Variants in COL25A1 observed in about 807,000 individuals in gnomAD.
COL25A1 encodes collagen alpha-1(XXV) chain.
In COL25A1, 103 loss-of-function variants were observed where a neutral mutation model predicts 128.4. The ratio of observed to expected loss-of-function variants is 0.80; its 90% CI spans 0.68 to 0.94. COL25A1 has a LOEUF of 0.94. Among genes scored for constraint, COL25A1 ranks in the 40% least tolerant of loss-of-function variants. The pLI, the probability that COL25A1 is intolerant of heterozygous loss-of-function variation, is 0.00. For synonymous variants in COL25A1, 279 were observed against 277.2 expected, an observed-to-expected ratio of 1.01 and a Z score of -0.06; for missense variants, 745 against 840.0, an observed-to-expected ratio of 0.89 and a Z score of 1.40.
rs1295143823 is a variant in COL25A1, at chr4:109,302,050, T to G, written c.-31A>C. 1 of 1,555,916 alleles carries G rather than the reference T, an allele frequency of 6.4e-7. No individual in the cohort carries two copies. The highest frequency in any genetic ancestry group is 2.3e-5 in the East Asian group (1 of 44,392). On this transcript the variant is annotated 5_prime_UTR_variant, in exon 2 of 38. Transcript: ENST00000399132. The stretch of plus-strand genomic sequence containing the variant: ...CGGGGTCGGCCGTCTCGGCTTCGCT[T>G]CCCACCCTCTACACCTCAAATAATC...
chr4:109,276,422 A>G (rs1364373772), intron 3 of COL25A1, among the ~76,000 whole-genome samples: 1 of 152,060 alleles, frequency 6.6e-6, no homozygotes, highest in Non-Finnish European at 1.5e-5. Flanking sequence ...AAAAAAAAAA[A>G]AAAAAAATTG....
At chr4:109,252,783 G>A (rs372342061) in intron 3 of COL25A1, among the ~76,000 whole-genome samples, 42 of 152,266 alleles carry the variant, frequency 2.8e-4, no homozygotes, top group African/African-American at 8.7e-4. Context: ...CCCACTAGGC[G>A]AGTTTCCCTT....
At chr4:109,185,677 T>C (rs1237604919) in intron 3 of COL25A1, among the ~76,000 whole-genome samples, 4 of 152,116 alleles carry the variant, frequency 2.6e-5, no homozygotes, top group African/African-American at 9.7e-5. Flanking sequence ...AAGGCAATAA[T>C]TATGGTTAAA....
chr4:109,283,237 C>T (rs574280030), intron 3 of COL25A1, among the ~76,000 whole-genome samples: 75 of 152,072 alleles, frequency 4.9e-4, no homozygotes, highest in African/African-American at 1.8e-3. Context: ...GAACAAAATG[C>T]GAAAGTTCAG....
At chr4:109,001,661 C>T (rs906599745) in intron 6 of COL25A1, among the ~76,000 whole-genome samples, 1 of 152,116 alleles carries the variant, frequency 6.6e-6, no homozygotes, top group African/African-American at 2.4e-5. Flanking sequence ...GACTCTAGGA[C>T]CATTCTTAGG....
In COL25A1 at chr4:109,282,600, A is replaced by G. The variant is rs148616740; in HGVS notation, c.367+17983T>C. ...AGAACTGTTAAAGATATTCTTCAAT[A>G]TCATTTGCTAATCATTTATACTATG... On this transcript the variant is annotated intron_variant, in intron 3 of 37. Transcript: ENST00000399132. Among the ~76,000 whole-genome samples, 1,395 of 152,312 alleles carry G rather than the reference A, an allele frequency of 9.2e-3. 14 individuals carry two copies. Among genetic ancestry groups the G allele is most frequent in the African/African-American group, 0.032 (1,323 of 41,558 alleles).
At chr4:108,958,483 T>A (rs1026230517) in intron 8 of COL25A1, among the ~76,000 whole-genome samples, 1 of 152,032 alleles carries the variant, frequency 6.6e-6, no homozygotes, top group Non-Finnish European at 1.5e-5. Flanking sequence ...CAATGACCTA[T>A]ATAAGATATC....
chr4:108,969,292 A>C (rs1394817222), intron 8 of COL25A1, among the ~76,000 whole-genome samples: 1 of 152,130 alleles, frequency 6.6e-6, no homozygotes, highest in Non-Finnish European at 1.5e-5. Context: ...GTCTACTAAG[A>C]AGTTCATAGG....
intron 3 of COL25A1, among the ~76,000 whole-genome samples, chr4:109,132,725 CAT>C (rs1377824089): frequency 5.3e-5 from 8 of 152,146 alleles, no homozygotes; most frequent in Admixed American, 2.6e-4. Context: ...TAAGTAATGA[CAT>C]AGATTTTTTA....
At chr4:109,274,199 C>T (rs1365182816) in intron 3 of COL25A1, among the ~76,000 whole-genome samples, 2 of 141,708 alleles carry the variant, frequency 1.4e-5, no homozygotes, top group East Asian at 4.3e-4. Context: ...GTTCTATTTA[C>T]ATTTTCAATT....
intron 3 of COL25A1, among the ~76,000 whole-genome samples, chr4:109,137,035 G>A (rs1260803459): frequency 6.6e-6 from 1 of 152,186 alleles, no homozygotes; most frequent in Non-Finnish European, 1.5e-5. Flanking sequence ...CAGACCCGGA[G>A]TCAGAACACC....
At chr4:109,192,151 T>C (rs954666283) in intron 3 of COL25A1, among the ~76,000 whole-genome samples, 1 of 152,156 alleles carries the variant, frequency 6.6e-6, no homozygotes, top group African/African-American at 2.4e-5. Flanking sequence ...ACAGGGTATG[T>C]GGAGGAGCAG....
chr4:109,123,468 G>A (rs1424500723), intron 3 of COL25A1, among the ~76,000 whole-genome samples: 1 of 151,844 alleles, frequency 6.6e-6, no homozygotes, highest in Non-Finnish European at 1.5e-5. Flanking sequence ...TTAATAATGT[G>A]AGCTAAAGGG....
intron 3 of COL25A1, among the ~76,000 whole-genome samples, chr4:109,257,721 T>C (rs1781171748): frequency 6.6e-6 from 1 of 152,178 alleles, no homozygotes; most frequent in Non-Finnish European, 1.5e-5. Flanking sequence ...TCAATGAGGT[T>C]ATGCTGTCTC....
At chr4:109,091,319 T>C (rs1433381095) in intron 3 of COL25A1, among the ~76,000 whole-genome samples, 1 of 152,208 alleles carries the variant, frequency 6.6e-6, no homozygotes, top group African/African-American at 2.4e-5. Flanking sequence ...CCCCTTTTTG[T>C]CTCTCTAAGT....
At chr4:109,268,450 C>A (rs1411359125) in intron 3 of COL25A1, among the ~76,000 whole-genome samples, 1 of 152,122 alleles carries the variant, frequency 6.6e-6, no homozygotes, top group Non-Finnish European at 1.5e-5. Flanking sequence ...GAGAAACACA[C>A]AAGTTATCAG....
At chr4:108,929,834 C>A (rs1746520592) in intron 11 of COL25A1, among the ~76,000 whole-genome samples, 1 of 151,996 alleles carries the variant, frequency 6.6e-6, no homozygotes, top group African/African-American at 2.4e-5. Flanking sequence ...TCTAAAACAA[C>A]AAAACAAAAC....
intron 6 of COL25A1, among the ~76,000 whole-genome samples, chr4:109,005,716 G>A (rs1000357570): frequency 1.3e-5 from 2 of 152,092 alleles, no homozygotes; most frequent in African/African-American, 4.8e-5. Flanking sequence ...TGGGTTTAAG[G>A]GTTGGCTAAG....
chr4:109,019,658 G>T (rs539530425), intron 5 of COL25A1, among the ~76,000 whole-genome samples: 1 of 152,002 alleles, frequency 6.6e-6, no homozygotes, highest in African/African-American at 2.4e-5. Context: ...TAGGGAAACT[G>T]CCCCCATAAT....
Sources: gnomAD v4.1 joint callset for allele counts (sites outside exome capture counted in the v4.1 genomes callset) on GRCh38, gnomAD v4.1.1 for gene constraint, MANE v1.5 for transcripts, NCBI Gene and HGNC (gene_info 2026-07-23, HGNC 2026-07-21) for gene names.